CREBBP: variants seen among roughly 807,000 people sequenced by gnomAD.
CREBBP encodes CREB-binding protein.
In CREBBP, 19 loss-of-function variants were observed where a neutral mutation model predicts 265.0. The observed-to-expected ratio is 0.07, with a 90% CI of 0.05 to 0.11. CREBBP has a LOEUF of 0.11. CREBBP is among the 10% of genes least tolerant of loss of function. The pLI is 1.00. For synonymous variants in CREBBP, 1,457 were observed against 1,223.7 expected, an observed-to-expected ratio of 1.19 and a Z score of -3.98; for missense variants, 2,525 against 3,219.0, an observed-to-expected ratio of 0.78 and a Z score of 5.22.
In CREBBP at chr16:3,728,723, G is replaced by A. The variant is rs199821421; in HGVS notation, c.6324C>T (p.Tyr2108=). 62 of 1,613,938 alleles carry A rather than the reference G, an allele frequency of 3.8e-5. No homozygotes were observed. Among genetic ancestry groups the A allele is most frequent in the African/African-American group, 2.4e-4 (18 of 75,052 alleles). Residue 2108 remains tyrosine (Y), a synonymous_variant, in exon 31 of 31, where the codon TAC becomes TAT. Transcript: ENST00000262367. This position sits in a 1 kb window ranked among gnomAD's most constrained non-coding sequence, Gnocchi z 8.7. ...AAFIKQRTAK[Y]VANQPGMQPQ... is the part of the protein sequence containing the mutation. ...GCTGCATGCCGGGCTGATTGGCCAC[G>A]TACTTGGCTGTGCGCTGTTTGATGA...
intron 2 of CREBBP, among the ~76,000 whole-genome samples, chr16:3,842,823 G>A (rs376096703): frequency 8.6e-5 from 13 of 151,740 alleles, no homozygotes; most frequent in Non-Finnish European, 1.3e-4. Context: ...AAAATTAGCC[G>A]GGCGTGGTGG....
At chr16:3,869,612 T>TAA in intron 1 of CREBBP, among the ~76,000 whole-genome samples, 1 of 152,166 alleles carries the variant, frequency 6.6e-6, no homozygotes, top group Non-Finnish European at 1.5e-5. Flanking sequence ...AGGTAACATT[T>TAA]AAAATTTAGT....
chr16:3,855,927 C>T (rs28420771), intron 1 of CREBBP, among the ~76,000 whole-genome samples: 3,161 of 152,302 alleles, frequency 0.021, 107 homozygotes, highest in African/African-American at 0.071. Context: ...CACAAATTTA[C>T]TCGGTACTCC....
chr16:3,754,108 G>T (rs1347006330), intron 19 of CREBBP, among the ~76,000 whole-genome samples: 2 of 148,498 alleles, frequency 1.3e-5, no homozygotes, highest in Non-Finnish European at 2.9e-5. Context: ...AAAATCCCAG[G>T]ATCAGAACCG....
At chr16:3,767,548 G>A in intron 16 of CREBBP, 172 bp downstream of exon 16, 1 of 830,136 alleles carries the variant, frequency 1.2e-6, no homozygotes, top group Non-Finnish European at 1.9e-6. Flanking sequence ...ACAGGGCAGG[G>A]GTCCTGCTCA....
intron 14 of CREBBP, among the ~76,000 whole-genome samples, chr16:3,770,340 C>T (rs1336252337): frequency 6.6e-6 from 1 of 152,100 alleles, no homozygotes; most frequent in African/African-American, 2.4e-5. Context: ...CAGGCACACA[C>T]CACCATGCTT....
intron 20 of CREBBP, among the ~76,000 whole-genome samples, chr16:3,749,953 T>G (rs951671429): frequency 3.3e-5 from 5 of 152,168 alleles, no homozygotes; most frequent in African/African-American, 1.2e-4. Context: ...CAGGCTGGAG[T>G]GCAGTGGCGT....
chr16:3,778,951 G>C (rs2053209706), intron 8 of CREBBP, 134 bp from the exon 9 acceptor site: 1 of 686,814 alleles, frequency 1.5e-6, no homozygotes, highest in Non-Finnish European at 2.6e-6. Context: ...AGAATCACCT[G>C]AGGTCAGCAG....
intron 1 of CREBBP, among the ~76,000 whole-genome samples, chr16:3,860,317 A>G (rs2055047552): frequency 6.6e-6 from 1 of 152,144 alleles, no homozygotes; most frequent in Non-Finnish European, 1.5e-5. Context: ...TCACCTATTT[A>G]CCTACCCTCG....
rs8052700 is a variant in CREBBP, at chr16:3,855,403, T to C, written c.86-4394A>G. On this transcript the variant is annotated intron_variant, in intron 1 of 30. Transcript: ENST00000262367. Reference sequence around the variant, plus strand: ...CAACCTCAGCCAGAATAGCTGGGATTACAGGCGTGCACCACCGCACCCGGC... The same window carrying C: ...CAACCTCAGCCAGAATAGCTGGGATCACAGGCGTGCACCACCGCACCCGGC... Among the ~76,000 whole-genome samples, 141 of 152,282 alleles carry C rather than the reference T, an allele frequency of 9.3e-4. 1 individual carries two copies. Among genetic ancestry groups the C allele is most frequent in the African/African-American group, 3.3e-3 (138 of 41,546 alleles).
chr16:3,789,825 T>C (rs1383910198), intron 5 of CREBBP, among the ~76,000 whole-genome samples: 1 of 152,074 alleles, frequency 6.6e-6, no homozygotes, highest in Non-Finnish European at 1.5e-5. Flanking sequence ...GGTTTACCAC[T>C]TGAGAGAGCA....
chr16:3,756,265 G>T (rs1277695189), intron 19 of CREBBP, among the ~76,000 whole-genome samples: 5 of 152,134 alleles, frequency 3.3e-5, no homozygotes, highest in African/African-American at 9.7e-5. Flanking sequence ...CCAGCTGCTG[G>T]CTCATAAAAT....
At chr16:3,768,142 T>TTTTTG (rs2052907257) in intron 15 of CREBBP, among the ~76,000 whole-genome samples, 2 of 97,398 alleles carry the variant, frequency 2.1e-5, no homozygotes, top group South Asian at 3.9e-4. Flanking sequence ...AAGTGTTTTT[T>TTTTTG]TTTTTTTTTT....
At chr16:3,827,521 A>G (rs987417188) in intron 2 of CREBBP, among the ~76,000 whole-genome samples, 8 of 152,076 alleles carry the variant, frequency 5.3e-5, no homozygotes, top group Admixed American at 3.9e-4. Context: ...ACTCCCGAGT[A>G]GCTGGGACTA....
chr16:3,763,666 G>A (rs529415273), intron 16 of CREBBP, among the ~76,000 whole-genome samples: 7 of 152,188 alleles, frequency 4.6e-5, no homozygotes, highest in Non-Finnish European at 1.0e-4. Context: ...GTTTCGCCAT[G>A]TTGGCCAGGC....
chr16:3,772,532 G>A (rs2053037841), intron 13 of CREBBP, among the ~76,000 whole-genome samples: 1 of 152,144 alleles, frequency 6.6e-6, no homozygotes, highest in African/African-American at 2.4e-5. Flanking sequence ...TGTAAATAAA[G>A]CTTTATTGGC....
intron 26 of CREBBP, among the ~76,000 whole-genome samples, chr16:3,737,728 T>C (rs554604031): frequency 6.6e-6 from 1 of 151,796 alleles, no homozygotes; most frequent in East Asian, 1.9e-4. Flanking sequence ...CCTCCCAAAG[T>C]ACTAGGATTA....
At chr16:3,869,931 A>T (rs1480337210) in intron 1 of CREBBP, among the ~76,000 whole-genome samples, 1 of 152,182 alleles carries the variant, frequency 6.6e-6, no homozygotes, top group Non-Finnish European at 1.5e-5. Context: ...TTCTCAACAG[A>T]AGTTCAACTA....
chr16:3,862,116 A>G (rs2055089160), intron 1 of CREBBP, among the ~76,000 whole-genome samples: 1 of 152,236 alleles, frequency 6.6e-6, no homozygotes, highest in Admixed American at 6.5e-5. Context: ...GAAGACAGCC[A>G]ATGGACACCA....
Sources: allele counts gnomAD v4.1 joint callset (sites outside exome capture counted in the v4.1 genomes callset), GRCh38; gene constraint gnomAD v4.1.1; non-coding constraint Gnocchi (gnomAD v3.1); transcripts MANE v1.5; gene names NCBI Gene and HGNC (gene_info 2026-07-23, HGNC 2026-07-21).